CNTNAP5: variants seen among roughly 807,000 people sequenced by gnomAD.
The protein encoded by CNTNAP5 is contactin-associated protein-like 5.
CNTNAP5 carries 72 observed loss-of-function variants against 150.2 expected under a neutral mutation model. The ratio of observed to expected loss-of-function variants is 0.48; its 90% CI spans 0.40 to 0.58. CNTNAP5 has a LOEUF of 0.58. Among genes scored for constraint, CNTNAP5 ranks in the 20% least tolerant of loss-of-function variants. CNTNAP5 has a pLI of 0.00. For synonymous variants in CNTNAP5, 672 were observed against 619.8 expected (o/e 1.08, Z -1.25); for missense variants, 1,636 against 1,626.2 (o/e 1.01, Z -0.10).
chr2:124,249,459 T>C (rs1296720542), intron 3 of CNTNAP5, among the ~76,000 whole-genome samples: 2 of 152,196 alleles, frequency 1.3e-5, no homozygotes, highest in Non-Finnish European at 2.9e-5. Flanking sequence ...CAACTTGGTC[T>C]CCACAATCCT....
rs1231211116 is a variant in CNTNAP5 at position 124,916,440 on chromosome 2, TC to T, written c.*2156del. On this transcript the variant is annotated 3_prime_UTR_variant, in exon 24 of 24. Coordinates refer to ENST00000682447, the MANE Select transcript of CNTNAP5 (RefSeq NM_001367498.1). ...TTTTGCTTGGCTATATATTCCTTTG[TC>T]CCCTGAAATAAAAGTCACCATGAAG... 6.6e-6 allele frequency among the ~76,000 whole-genome samples: 1 copy of T among 152,136 alleles called. No homozygotes were observed. Among genetic ancestry groups the T allele is most frequent in the East Asian group, 1.9e-4 (1 of 5,148 alleles).
chr2:124,358,352 T>C (rs1690084226), intron 3 of CNTNAP5, among the ~76,000 whole-genome samples: 1 of 151,988 alleles, frequency 6.6e-6, no homozygotes, highest in East Asian at 1.9e-4. Context: ...TGAATAGGAG[T>C]GGTGAGAGAG....
intron 11 of CNTNAP5, among the ~76,000 whole-genome samples, chr2:124,578,948 G>C (rs577805544): frequency 6.6e-5 from 10 of 151,964 alleles, no homozygotes; most frequent in Non-Finnish European, 1.3e-4. Context: ...GAAGTGACAA[G>C]GGAGTCTGTT....
intron 3 of CNTNAP5, among the ~76,000 whole-genome samples, chr2:124,355,356 A>C (rs964872403): frequency 6.6e-6 from 1 of 152,166 alleles, no homozygotes; most frequent in Non-Finnish European, 1.5e-5. Context: ...AAATACAATA[A>C]AACTAGCTTT....
intron 3 of CNTNAP5, among the ~76,000 whole-genome samples, chr2:124,402,717 T>C (rs529012091): frequency 6.6e-6 from 1 of 152,270 alleles, no homozygotes; most frequent in South Asian, 2.1e-4. Context: ...CTGTCGCTAT[T>C]AAACGACAAG....
At chr2:124,048,452 C>T (rs2104639917) in intron 1 of CNTNAP5, among the ~76,000 whole-genome samples, 1 of 152,266 alleles carries the variant, frequency 6.6e-6, no homozygotes, top group African/African-American at 2.4e-5. Flanking sequence ...TTATTGGTTT[C>T]TCCCAAGATA....
intron 21 of CNTNAP5, among the ~76,000 whole-genome samples, chr2:124,876,573 T>C (rs1677865391): frequency 6.6e-6 from 1 of 151,902 alleles, no homozygotes; most frequent in African/African-American, 2.4e-5. Flanking sequence ...GTATGAAAAA[T>C]AATAGTTGAG....
At chr2:124,509,370 C>A (rs189148875) in intron 8 of CNTNAP5, among the ~76,000 whole-genome samples, 1 of 152,112 alleles carries the variant, frequency 6.6e-6, no homozygotes, top group East Asian at 1.9e-4. Flanking sequence ...CTATTTTTGT[C>A]ATCTCCTTTT....
chr2:124,817,374 A>C (rs1682385720), intron 19 of CNTNAP5, among the ~76,000 whole-genome samples: 2 of 152,152 alleles, frequency 1.3e-5, no homozygotes, highest in African/African-American at 4.8e-5. Context: ...TTGCACTTTT[A>C]TAGACATAAG....
intron 21 of CNTNAP5, among the ~76,000 whole-genome samples, chr2:124,885,118 G>A (rs1678051786): frequency 1.3e-5 from 2 of 151,946 alleles, no homozygotes; most frequent in Non-Finnish European, 1.5e-5. Flanking sequence ...GAAATCCACT[G>A]GGTAGGCCAT....
intron 19 of CNTNAP5, among the ~76,000 whole-genome samples, chr2:124,823,084 G>A (rs1682524583): frequency 6.6e-6 from 1 of 152,146 alleles, no homozygotes; most frequent in Admixed American, 6.5e-5. Context: ...TGTGATTAGT[G>A]CAACCAATAA....
intron 1 of CNTNAP5, among the ~76,000 whole-genome samples, chr2:124,053,609 C>T (rs1393688512): frequency 2.0e-5 from 3 of 152,248 alleles, no homozygotes; most frequent in East Asian, 1.9e-4. Flanking sequence ...ATGGCAATAA[C>T]GTATGTCACA....
In CNTNAP5 at chr2:124,171,439, T is replaced by C. The variant is rs1362877445; in HGVS notation, c.83-50266T>C. Among the ~76,000 whole-genome samples the C allele has an allele frequency of 4.6e-5, 7 of 152,154 alleles. No individual in the cohort carries two copies. In the East Asian group the frequency reaches 9.6e-4, roughly 21 times the overall value. On this transcript the variant is annotated intron_variant, in intron 1 of 23. Coordinates refer to ENST00000682447, the MANE Select transcript of CNTNAP5 (RefSeq NM_001367498.1). ...GCTAATTTGAGCTGTTCTCTTGATA[T>C]GATGGCAGCTCCTGGATGGGCACCA...
chr2:124,323,892 G>T (rs1222023969), intron 3 of CNTNAP5, among the ~76,000 whole-genome samples: 2 of 152,090 alleles, frequency 1.3e-5, no homozygotes, highest in Non-Finnish European at 2.9e-5. Flanking sequence ...ATGTGTTTTT[G>T]TGTGTGAAAG....
chr2:124,088,222 T>C (rs1481409057), intron 1 of CNTNAP5, among the ~76,000 whole-genome samples: 1 of 152,192 alleles, frequency 6.6e-6, no homozygotes. Context: ...ATTAAGACTA[T>C]CAAGCCTGTC....
chr2:124,039,214 C>T (rs1023226138), intron 1 of CNTNAP5, among the ~76,000 whole-genome samples: 7 of 152,118 alleles, frequency 4.6e-5, no homozygotes, highest in African/African-American at 1.7e-4. Context: ...TTTGTGAAAG[C>T]GCTTGCATTA....
chr2:124,090,292 C>A (rs973420703), intron 1 of CNTNAP5, among the ~76,000 whole-genome samples: 5 of 152,012 alleles, frequency 3.3e-5, no homozygotes, highest in East Asian at 1.9e-4. Context: ...AAAAAAGAAC[C>A]AATTACTCTT....
At chr2:124,071,871 A>T (rs1682313641) in intron 1 of CNTNAP5, among the ~76,000 whole-genome samples, 1 of 151,994 alleles carries the variant, frequency 6.6e-6, no homozygotes, top group Non-Finnish European at 1.5e-5. Context: ...TAATTCTAAG[A>T]GGCCAATTTA....
At chr2:124,303,179 TA>T (rs976087209) in intron 3 of CNTNAP5, among the ~76,000 whole-genome samples, 1 of 152,098 alleles carries the variant, frequency 6.6e-6, no homozygotes, top group African/African-American at 2.4e-5. Context: ...TCATTTTTTC[TA>T]AGCCCTGCTG....
Sources: allele counts gnomAD v4.1 joint callset (sites outside exome capture counted in the v4.1 genomes callset), GRCh38; gene constraint gnomAD v4.1.1; transcripts MANE v1.5; gene names NCBI Gene and HGNC (gene_info 2026-07-23, HGNC 2026-07-21).